The following ASPG variants were observed in gnomAD, a reference collection of about 807,000 sequenced individuals.
ASPG encodes 60 kDa lysophospholipase.
A neutral mutation model predicts 63.2 loss-of-function variants in ASPG; 53 were observed. The ratio of observed to expected loss-of-function variants is 0.84; its 90% CI spans 0.67 to 1.05. The LOEUF (loss-of-function observed/expected upper bound fraction) is 1.05. ASPG is among the 50% of genes least tolerant of loss of function. The pLI is 0.00. For synonymous variants in ASPG, 370 were observed against 355.0 expected (o/e 1.04, Z -0.48); for missense variants, 741 against 794.4 (o/e 0.93, Z 0.81).
At chr14:104,096,561 A>G (rs975161083) in intron 4 of ASPG, among the ~76,000 whole-genome samples, 1 of 152,140 alleles carries the variant, frequency 6.6e-6, no homozygotes, top group Non-Finnish European at 1.5e-5. Flanking sequence ...ACAGGGCTCC[A>G]GCTGGTTCTC....
Position 104,104,775 on chromosome 14 carries a change from A to T in ASPG, c.1050+40A>T, listed in dbSNP as rs369739021. 1.2e-4 allele frequency: 177 copies of T among 1,518,294 alleles called. 1 individual carries two copies. The Middle Eastern group carries it at 2.7e-3, about 23-fold the overall frequency. 94.1% of individuals were successfully genotyped at this position (1,518,294 alleles called of 1,614,324 possible). On this transcript the variant is annotated intron_variant, in intron 9 of 15. Transcript: ENST00000551177. ...GGGCTGTGGGCAACCCTCGGTGTGC[A>T]CAAGCATGTCAGTTGGCTCCCAGGG...
In ASPG at chr14:104,103,661, A is replaced by T. The variant is rs1184393098; in HGVS notation, c.739A>T (p.Ile247Phe). 1.4e-5 allele frequency: 22 copies of T among 1,547,626 alleles called. No individual in the cohort carries two copies. The highest frequency in any genetic ancestry group is 1.7e-5 in the Non-Finnish European group (20 of 1,146,574). ...DVGLLRLYPGIPAALVRAFLQ... is the reference protein window; with the variant it reads ...DVGLLRLYPGFPAALVRAFLQ... ...GGGCCTGCTGCGCCTCTACCCTGGG[A>T]TCCCTGCCGCCCTGGTAGGGACCGC... is the stretch of plus-strand genomic sequence containing the variant. The change falls in exon 7 of 16, where the codon ATC becomes TTC. Residue 247 changes from isoleucine to phenylalanine, a missense_variant. Transcript: ENST00000551177.
intron 10 of ASPG, among the ~76,000 whole-genome samples, chr14:104,106,216 T>G (rs1428500280): frequency 6.6e-6 from 1 of 152,228 alleles, no homozygotes; most frequent in African/African-American, 2.4e-5. Context: ...GCAGCAGCCT[T>G]GTCACCAGGC....
At position 104,101,116 on chromosome 14, in the gene ASPG, G is replaced by A. The variant is rs191054733; in HGVS notation, c.640+2137G>A. On this transcript the variant is annotated intron_variant, in intron 6 of 15. Coordinates refer to ENST00000551177, the MANE Select transcript of ASPG (RefSeq NM_001080464.3). The stretch of plus-strand genomic sequence containing the variant: ...CTAAGGCTGGTCTGGGTGGGAGGCT[G>A]CCCTGGCCCCAGCCCCCCACCCCTG... Among the ~76,000 whole-genome samples, 511 of 152,336 alleles carry A rather than the reference G, an allele frequency of 3.4e-3. 1 individual carries two copies. The highest frequency in any genetic ancestry group is 0.024 in the Middle Eastern group (7 of 294).
intron 1 of ASPG, among the ~76,000 whole-genome samples, chr14:104,088,130 G>A (rs971919063): frequency 6.6e-6 from 1 of 152,216 alleles, no homozygotes; most frequent in African/African-American, 2.4e-5. Flanking sequence ...CAGACTGTCA[G>A]GCGTCAATGA....
At chr14:104,094,907 C>G (rs773680960) in intron 3 of ASPG, among the ~76,000 whole-genome samples, 8 of 152,246 alleles carry the variant, frequency 5.3e-5, no homozygotes, top group South Asian at 2.1e-4. Flanking sequence ...AATGGCCCCC[C>G]GGGCAGGCCC....
Position 104,107,250 on chromosome 14 carries a change from C to T in ASPG, c.1338C>T (p.His446=). 1 of 1,608,736 alleles carries T rather than the reference C, an allele frequency of 6.2e-7. No homozygotes were observed. The highest frequency in any genetic ancestry group is 8.5e-7 in the Non-Finnish European group (1 of 1,177,340). ...TPLHAAARGG[H]TEAVTMLLQR... ...TGCACGCGGCCGCCCGGGGAGGCCA[C>T]ACAGAGGCAGTCACCATGCTGCTGC... The change falls in exon 12 of 16, where the codon CAC becomes CAT. Residue 446 remains histidine, a synonymous_variant. Transcript: ENST00000551177.
rs764058722 is a variant in ASPG at position 104,105,317 on chromosome 14, C to T, written c.1051-11C>T. ...CTGGCAGAGCCACTTCACCTCTGTTCTCTCCACCAGCTGCTGACCAAGGAC... is the reference window on the plus strand; with the variant it reads ...CTGGCAGAGCCACTTCACCTCTGTTTTCTCCACCAGCTGCTGACCAAGGAC... On this transcript the variant is annotated splice_polypyrimidine_tract_variant and intron_variant, in intron 9 of 15. Coordinates refer to ENST00000551177, the MANE Select transcript of ASPG (RefSeq NM_001080464.3). 6.2e-7 allele frequency: 1 copy of T among 1,612,508 alleles called. No homozygotes were observed. The highest frequency in any genetic ancestry group is 1.3e-5 in the African/African-American group (1 of 74,942).
intron 12 of ASPG, chr14:104,108,949 G>A: frequency 1.0e-6 from 1 of 985,362 alleles, no homozygotes. Context: ...CTGGGTGCTG[G>A]GTGCGGGGCT....
At chr14:104,107,393 G>T in intron 12 of ASPG, 48 bp downstream of exon 12, 1 of 1,363,284 alleles carries the variant, frequency 7.3e-7, no homozygotes, top group Non-Finnish European at 9.5e-7. Context: ...GGTGGGCGCA[G>T]AGAGGCTGTG....
chr14:104,089,449 G>A (rs1450962372), intron 1 of ASPG, among the ~76,000 whole-genome samples: 2 of 152,082 alleles, frequency 1.3e-5, no homozygotes, highest in Admixed American at 6.5e-5. Flanking sequence ...AACCCAGGAG[G>A]TGGAGGTTGC....
At chr14:104,092,507 C>A in intron 1 of ASPG, 126 bp from the exon 2 acceptor site, 1 of 811,388 alleles carries the variant, frequency 1.2e-6, no homozygotes, top group South Asian at 1.6e-5. Flanking sequence ...GCCCTTCCTC[C>A]CAGCCTCTGA....
chr14:104,104,547 G>A (rs1281342302), intron 8 of ASPG, 61 bp downstream of exon 8: 9 of 1,591,576 alleles, frequency 5.7e-6, no homozygotes, highest in African/African-American at 1.3e-5. Flanking sequence ...TGGCAGAGGT[G>A]GGCTCTGACC....
intron 7 of ASPG, 71 bp from the exon 8 acceptor site, chr14:104,104,233 C>A: frequency 5.3e-6 from 8 of 1,497,458 alleles, no homozygotes; most frequent in East Asian, 2.4e-5. Context: ...CTTGGGAGGG[C>A]ATGGGGCGAG....
Position 104,092,699 on chromosome 14 carries a change from A to G in ASPG, c.149A>G (p.His50Arg), listed in dbSNP as rs1026715221. ...CTGCCCATGTTCCATGACGAGGAGC[A>G]CGCCCGAGCCCGCGGCCTCTCTGAG... ...RTLPMFHDEEHARARGLSEDT... is the reference protein window; with the variant it reads ...RTLPMFHDEERARARGLSEDT... Residue 50 changes from histidine (H) to arginine (R), a missense_variant, in exon 2 of 16, where the codon CAC (histidine) becomes CGC (arginine). Coordinates refer to ENST00000551177, the MANE Select transcript of ASPG (RefSeq NM_001080464.3). 8.3e-5 allele frequency: 128 copies of G among 1,537,768 alleles called. No homozygotes were observed. Among genetic ancestry groups the G allele is most frequent in the Non-Finnish European group, 1.1e-4 (125 of 1,147,580 alleles).
chr14:104,104,773 G>A (rs979729105), intron 9 of ASPG, 38 bp downstream of exon 9: 2 of 1,515,864 alleles, frequency 1.3e-6, no homozygotes, highest in Non-Finnish European at 9.0e-7. Context: ...CCCTCGGTGT[G>A]CACAAGCATG....
At chr14:104,105,576 C>G (rs1044698848) in intron 10 of ASPG, 126 bp downstream of exon 10, 1 of 1,321,162 alleles carries the variant, frequency 7.6e-7, no homozygotes, top group Non-Finnish European at 1.0e-6. Context: ...TTAGGCACAC[C>G]CGGGTTCTGG....
In ASPG at chr14:104,115,437, A is replaced by T. The variant is rs2037446811; in HGVS notation, c.*2893A>T. The T allele has an allele frequency of 6.6e-6, 1 of 152,238 alleles. No homozygotes were observed. The highest frequency in any genetic ancestry group is 2.1e-4 in the South Asian group (1 of 4,834). 9.4% of individuals were successfully genotyped at this position (152,238 alleles called of 1,614,324 possible). On this transcript the variant is annotated 3_prime_UTR_variant, in exon 16 of 16. Coordinates refer to ENST00000551177, the MANE Select transcript of ASPG (RefSeq NM_001080464.3). ...GCTAGACCAGAACTTAGAATTAAGG[A>T]GTGGTGGCCAGGCTTGGTGGCTCAC...
chr14:104,105,488 G>C (rs1051079702), intron 10 of ASPG, 38 bp downstream of exon 10: 1 of 1,516,082 alleles, frequency 6.6e-7, no homozygotes, highest in Non-Finnish European at 8.8e-7. Flanking sequence ...GGCAGCTGGG[G>C]ACTGTGCACC....
Sources: gnomAD v4.1 joint callset for allele counts (sites outside exome capture counted in the v4.1 genomes callset) on GRCh38, gnomAD v4.1.1 for gene constraint, MANE v1.5 for transcripts, NCBI Gene and HGNC (gene_info 2026-07-23, HGNC 2026-07-21) for gene names.